DIP2C: variants seen among roughly 807,000 people sequenced by gnomAD.
The protein encoded by DIP2C is disco-interacting protein 2 homolog C.
A neutral mutation model predicts 192.4 loss-of-function variants in DIP2C; 33 were observed. That is an observed-to-expected ratio of 0.17 (90% confidence interval 0.13 to 0.23). DIP2C has a LOEUF of 0.23. Ranked by LOEUF, DIP2C falls within the 10% of genes least tolerant of loss-of-function variation. DIP2C has a pLI of 1.00. For missense variants in DIP2C, 1,537 were observed against 2,110.1 expected, an observed-to-expected ratio of 0.73 and a Z score of 5.32; for synonymous variants, 979 against 864.1, an observed-to-expected ratio of 1.13 and a Z score of -2.33.
At chr10:277,683 C>T (rs1318810308) in intron 36 of DIP2C, 106 bp from the exon 37 acceptor site, 3 of 1,454,902 alleles carry the variant, frequency 2.1e-6, no homozygotes, top group Non-Finnish European at 2.8e-6. Flanking sequence ...CTGAGCACTG[C>T]CCGACAGTCT....
Position 308,044 on chromosome 10 carries a change from AG to A in DIP2C, c.3986+1986del, listed in dbSNP as rs1377925614. Among the ~76,000 whole-genome samples, 66 of 94,220 alleles carry A rather than the reference AG, an allele frequency of 7.0e-4. 2 individuals carry two copies. The highest frequency in any genetic ancestry group is 3.9e-3 in the African/African-American group (63 of 16,228). The allele number at this position is 94,220 out of a possible 152,430, so 61.8% of individuals were successfully genotyped here. ...ATCTGGAGGGCAGCAGGGAGGGTTC[AG>A]GGGTGCCTGGGCGGGGCCCAGCACA... On this transcript the variant is annotated intron_variant, in intron 32 of 36. Coordinates refer to ENST00000280886, the MANE Select transcript of DIP2C (RefSeq NM_014974.3).
chr10:472,139 C>A (rs1157872452), intron 3 of DIP2C, among the ~76,000 whole-genome samples: 1 of 152,092 alleles, frequency 6.6e-6, no homozygotes, highest in African/African-American at 2.4e-5. Context: ...CTAGCAACCA[C>A]GATTAAAAAG....
At chr10:417,827 C>T (rs61837183) in intron 6 of DIP2C, among the ~76,000 whole-genome samples, 451 of 6,356 alleles carry the variant, frequency 0.071, 102 homozygotes, top group Admixed American at 0.08. Flanking sequence ...AGGGCGCGGA[C>T]AGGCCTCCCT....
At chr10:607,894 T>C (rs1271841307) in intron 1 of DIP2C, among the ~76,000 whole-genome samples, 1 of 151,976 alleles carries the variant, frequency 6.6e-6, no homozygotes, top group African/African-American at 2.4e-5. Context: ...TGTCATTCGC[T>C]AAGACGTACG....
At chr10:385,203 G>GAC (rs1037341980) in intron 14 of DIP2C, among the ~76,000 whole-genome samples, 3 of 151,438 alleles carry the variant, frequency 2.0e-5, no homozygotes, top group African/African-American at 7.3e-5. Flanking sequence ...GGCTGCACAG[G>GAC]CCTGGAGGAG....
chr10:417,401 A>G (rs528701370), intron 6 of DIP2C, among the ~76,000 whole-genome samples: 61 of 150,462 alleles, frequency 4.1e-4, no homozygotes, highest in African/African-American at 1.4e-3. Context: ...CTAAAATGAC[A>G]AGAATAACAA....
At chr10:389,039 C>G (rs1963233380) in intron 13 of DIP2C, among the ~76,000 whole-genome samples, 1 of 139,974 alleles carries the variant, frequency 7.1e-6, no homozygotes, top group South Asian at 2.2e-4. Context: ...TCTGGGGTCT[C>G]AAGGGGCCTC....
chr10:481,804 C>A (rs1386468088), intron 2 of DIP2C, among the ~76,000 whole-genome samples: 2 of 152,186 alleles, frequency 1.3e-5, no homozygotes, highest in African/African-American at 4.8e-5. Context: ...GACGGTCACT[C>A]AGTGGGGCGG....
rs749891955 is a variant in DIP2C at position 345,139 on chromosome 10, T to C, written c.3232-29A>G. 2.5e-6 allele frequency: 4 copies of C among 1,591,430 alleles called. No homozygotes were observed. In the South Asian group the frequency reaches 3.4e-5, roughly 13 times the overall value. On this transcript the variant is annotated intron_variant, in intron 26 of 36. Transcript: ENST00000280886. ...GCATCAGAGAGCGAGAATGGAGCCA[T>C]GAACGTGGACCCAGATGAAAGCGTG...
At chr10:343,846 G>A (rs1022610229) in intron 28 of DIP2C, among the ~76,000 whole-genome samples, 4 of 152,208 alleles carry the variant, frequency 2.6e-5, no homozygotes, top group East Asian at 3.8e-4. Flanking sequence ...TGTGTTAAGC[G>A]CTGGAGATGA....
rs767155309 is a variant in DIP2C, at chr10:329,543, C to T, written c.3643G>A (p.Ala1215Thr). The T allele has an allele frequency of 7.4e-6, 12 of 1,614,024 alleles. No homozygotes were observed. The highest frequency in any genetic ancestry group is 2.2e-5 in the East Asian group (1 of 44,890). The change falls in exon 30 of 37, where the codon GCC becomes ACC. Residue 1215 changes from alanine to threonine, a missense_variant. This residue lies in a region of DIP2C where 341 missense variants were observed against 551.7 expected (regional missense o/e 0.62). Transcript: ENST00000280886. Reference protein sequence around the residue: ...IPPSELETNPALWLLAVSQYK... With the variant: ...IPPSELETNPTLWLLAVSQYK... ...TGACTCACGGCAAGAAGCCACAAGGCGGGGTTGGTTTCCAGCTCAGAGGGC... is the reference window on the plus strand; with the variant it reads ...TGACTCACGGCAAGAAGCCACAAGGTGGGGTTGGTTTCCAGCTCAGAGGGC...
chr10:367,378 C>G (rs1184783879), intron 18 of DIP2C, among the ~76,000 whole-genome samples: 4 of 150,884 alleles, frequency 2.7e-5, no homozygotes, highest in African/African-American at 4.9e-5. Context: ...GATCGCGCCA[C>G]TGCACTCCAG....
intron 1 of DIP2C, among the ~76,000 whole-genome samples, chr10:546,384 A>G (rs955834408): frequency 1.3e-5 from 2 of 152,202 alleles, no homozygotes; most frequent in Non-Finnish European, 2.9e-5. Flanking sequence ...AATAAGCAGC[A>G]GTGTGGCAAC....
At chr10:688,243 G>GC (rs1476403838) in intron 1 of DIP2C, among the ~76,000 whole-genome samples, 1 of 152,146 alleles carries the variant, frequency 6.6e-6, no homozygotes, top group South Asian at 2.1e-4. Flanking sequence ...GGAAGACTCT[G>GC]CCCCCCGCCA....
intron 1 of DIP2C, among the ~76,000 whole-genome samples, chr10:542,444 A>G (rs1848050023): frequency 6.6e-6 from 1 of 152,212 alleles, no homozygotes; most frequent in Non-Finnish European, 1.5e-5. Context: ...ACGGTGTCAA[A>G]GAGGCAGGAC....
At chr10:627,401 C>T (rs565875833) in intron 1 of DIP2C, among the ~76,000 whole-genome samples, 1 of 152,320 alleles carries the variant, frequency 6.6e-6, no homozygotes, top group East Asian at 1.9e-4. Flanking sequence ...CAGCTGGGTT[C>T]GCTGCTTCCC....
At chr10:390,609 GA>G in intron 11 of DIP2C, 130 bp downstream of exon 11, 3 of 1,464,552 alleles carry the variant, frequency 2.0e-6, no homozygotes, top group Non-Finnish European at 2.8e-6. Flanking sequence ...GAGAACGCGT[GA>G]AAACTCGTGG....
chr10:635,121 C>T (rs1854759080), intron 1 of DIP2C, among the ~76,000 whole-genome samples: 1 of 152,236 alleles, frequency 6.6e-6, no homozygotes, highest in Non-Finnish European at 1.5e-5. Flanking sequence ...ACACCCCACC[C>T]TCCAATCCAA....
chr10:499,837 T>C (rs1845100845), intron 1 of DIP2C, among the ~76,000 whole-genome samples: 1 of 152,232 alleles, frequency 6.6e-6, no homozygotes, highest in African/African-American at 2.4e-5. Flanking sequence ...CTGAAATGTC[T>C]AGTTACCATC....
Sources: allele counts gnomAD v4.1 joint callset (sites outside exome capture counted in the v4.1 genomes callset), GRCh38; gene constraint gnomAD v4.1.1; regional missense constraint gnomAD v4.1.1; transcripts MANE v1.5; gene names NCBI Gene and HGNC (gene_info 2026-07-23, HGNC 2026-07-21).